The following ADGRA1 variants were observed in gnomAD, a reference collection of about 807,000 sequenced individuals.
ADGRA1 encodes G-protein coupled receptor 123.
Under a neutral mutation model 21.3 loss-of-function variants are expected in ADGRA1, and 12 were observed. The observed-to-expected ratio is 0.56, with a 90% CI of 0.36 to 0.91. ADGRA1 has a LOEUF of 0.91. Ranked by LOEUF, ADGRA1 falls within the 40% of genes least tolerant of loss-of-function variation. The pLI is 0.01. For missense variants in ADGRA1, 790 were observed against 805.6 expected, an observed-to-expected ratio of 0.98 and a Z score of 0.23; for synonymous variants, 385 against 368.8, an observed-to-expected ratio of 1.04 and a Z score of -0.50.
At chr10:133,102,113 T>A in intron 4 of ADGRA1, 1 of 422,768 alleles carries the variant, frequency 2.4e-6, no homozygotes. Flanking sequence ...ACGCAGGAAG[T>A]TTCCATAGCA....
chr10:133,129,179 T>A lies in ADGRA1; in HGVS notation c.1351T>A (p.Ser451Thr). ...PSSLDGSPRSSRTDSPPSSLD... is the reference protein window; with the variant it reads ...PSSLDGSPRSTRTDSPPSSLD... ...CAGCCTGGATGGCAGCCCCCGCAGC[T>A]CGCGCACAGACAGCCCCCCCAGCTC... The change falls in exon 7 of 7, where the codon TCG becomes ACG. Residue 451 changes from serine to threonine, a missense_variant. Transcript: ENST00000392607. 6.4e-7 allele frequency: 1 copy of A among 1,550,834 alleles called. No homozygotes were observed. Among genetic ancestry groups the A allele is most frequent in the Non-Finnish European group, 8.7e-7 (1 of 1,147,214 alleles).
intron 5 of ADGRA1, among the ~76,000 whole-genome samples, chr10:133,112,079 T>G (rs1852041982): frequency 6.7e-6 from 1 of 148,150 alleles, no homozygotes; most frequent in Non-Finnish European, 1.5e-5. Flanking sequence ...CTCCTAATCC[T>G]GCTGGCCAGC....
At chr10:133,126,918 T>A (rs1417610352) in intron 5 of ADGRA1, among the ~76,000 whole-genome samples, 4 of 152,036 alleles carry the variant, frequency 2.6e-5, no homozygotes, top group Non-Finnish European at 1.5e-5. Context: ...CGGGGAGCAG[T>A]CCCGCCTGTA....
chr10:133,099,850 C>G (rs1161525690), intron 4 of ADGRA1, among the ~76,000 whole-genome samples: 2 of 152,200 alleles, frequency 1.3e-5, no homozygotes, highest in East Asian at 3.9e-4. Context: ...GGGGTCCACC[C>G]TGCAGTTTCT....
At chr10:133,114,045 C>A (rs1401121052) in intron 5 of ADGRA1, among the ~76,000 whole-genome samples, 2 of 152,250 alleles carry the variant, frequency 1.3e-5, no homozygotes, top group African/African-American at 4.8e-5. Context: ...ATGAGTACCT[C>A]CGTCTCCTGC....
rs368908683 is a variant in ADGRA1 at position 133,092,580 on chromosome 10, A to G, written c.3+3668A>G. Among the ~76,000 whole-genome samples, 41 of 152,296 alleles carry G rather than the reference A, an allele frequency of 2.7e-4. 1 individual carries two copies. The South Asian group carries it at 8.5e-3, about 32-fold the overall frequency. ...ATCCATGAAAAGTTGACAGATCAGT[A>G]GATGCAATTATTATTTAAAAGGCAG... On this transcript the variant is annotated intron_variant, in intron 2 of 6. Coordinates refer to ENST00000392607, the MANE Select transcript of ADGRA1 (RefSeq NM_001083909.3).
intron 5 of ADGRA1, among the ~76,000 whole-genome samples, chr10:133,114,653 G>A (rs1258436257): frequency 7.0e-6 from 1 of 142,938 alleles, no homozygotes; most frequent in East Asian, 3.0e-4. Flanking sequence ...TTAGGCAAAT[G>A]GACATAAATA....
intron 2 of ADGRA1, among the ~76,000 whole-genome samples, chr10:133,091,959 G>C (rs951792366): frequency 9.2e-5 from 14 of 152,342 alleles, no homozygotes; most frequent in South Asian, 4.1e-4. Context: ...GCTGCTCCCC[G>C]AGGCCGGACC....
intron 5 of ADGRA1, among the ~76,000 whole-genome samples, chr10:133,108,583 C>T (rs1851932468): frequency 6.6e-6 from 1 of 152,122 alleles, no homozygotes; most frequent in South Asian, 2.1e-4. Context: ...GCACCCTCAC[C>T]TTTGACCAAC....
At chr10:133,123,600 T>C (rs9419118) in intron 5 of ADGRA1, among the ~76,000 whole-genome samples, 9,415 of 152,006 alleles carry the variant, frequency 0.062, 845 homozygotes, top group African/African-American at 0.2. Flanking sequence ...GTGGCCACGG[T>C]GAAAGCTCAG....
At chr10:133,098,558 G>C (rs1208572574) in intron 3 of ADGRA1, 82 bp from the exon 4 acceptor site, 18 of 1,520,192 alleles carry the variant, frequency 1.2e-5, no homozygotes, top group Non-Finnish European at 1.6e-5. Flanking sequence ...CGGGGACAGA[G>C]CCTGCGCCCC....
chr10:133,114,129 C>T (rs1267524243), intron 5 of ADGRA1, among the ~76,000 whole-genome samples: 1 of 152,226 alleles, frequency 6.6e-6, no homozygotes, highest in African/African-American at 2.4e-5. Context: ...ACCCCTTCTC[C>T]ACCCCTGGGA....
chr10:133,102,244 T>C (rs768221251), intron 4 of ADGRA1: 2 of 465,512 alleles, frequency 4.3e-6, no homozygotes, highest in African/African-American at 4.1e-5. Context: ...ACGAATGCCG[T>C]CCCCGTGGGG....
At chr10:133,114,031 C>CA (rs1394450309) in intron 5 of ADGRA1, among the ~76,000 whole-genome samples, 1 of 152,220 alleles carries the variant, frequency 6.6e-6, no homozygotes, top group African/African-American at 2.4e-5. Context: ...TGACTCTAGA[C>CA]ACCATGAGTA....
chr10:133,103,209 C>T (rs928556244), intron 5 of ADGRA1, among the ~76,000 whole-genome samples: 11 of 152,292 alleles, frequency 7.2e-5, no homozygotes, highest in African/African-American at 2.6e-4. Context: ...GGGGGCTGGA[C>T]AAGCCTCCTG....
rs543764678 is a variant in ADGRA1 at position 133,121,757 on chromosome 10, C to T, written c.402-5476C>T. On this transcript the variant is annotated intron_variant, in intron 5 of 6. Coordinates refer to ENST00000392607, the MANE Select transcript of ADGRA1 (RefSeq NM_001083909.3). Reference sequence around the variant, plus strand: ...TGTGTGTGTGGTGTGTGCCAGTGTGCGTGTGTGCAAGTGTGAGTGTGCGTG... The same window carrying T: ...TGTGTGTGTGGTGTGTGCCAGTGTGTGTGTGTGCAAGTGTGAGTGTGCGTG... Among the ~76,000 whole-genome samples, 36 of 119,078 alleles carry T rather than the reference C, an allele frequency of 3.0e-4. No individual in the cohort carries two copies. In the South Asian group the frequency reaches 3.3e-3, roughly 11 times the overall value. The allele number at this position is 119,078 out of a possible 152,430, so 78.1% of individuals were successfully genotyped here.
At chr10:133,123,172 T>C (rs1005487718) in intron 5 of ADGRA1, among the ~76,000 whole-genome samples, 3 of 152,148 alleles carry the variant, frequency 2.0e-5, no homozygotes, top group African/African-American at 7.2e-5. Flanking sequence ...AGCCCATCCC[T>C]GGCAGGGGCC....
At chr10:133,089,112 C>A in intron 2 of ADGRA1, 200 bp downstream of exon 2, 2 of 991,830 alleles carry the variant, frequency 2.0e-6, no homozygotes, top group Non-Finnish European at 2.6e-6. Flanking sequence ...CTCTGCTCCC[C>A]GCGTGCTGGG....
At chr10:133,126,196 G>T (rs1852371824) in intron 5 of ADGRA1, among the ~76,000 whole-genome samples, 1 of 152,236 alleles carries the variant, frequency 6.6e-6, no homozygotes, top group South Asian at 2.1e-4. Flanking sequence ...CCACCCTGAA[G>T]AATTTCATCT....
Sources: allele counts gnomAD v4.1 joint callset (sites outside exome capture counted in the v4.1 genomes callset), GRCh38; gene constraint gnomAD v4.1.1; transcripts MANE v1.5; gene names NCBI Gene and HGNC (gene_info 2026-07-23, HGNC 2026-07-21).